The following LDB2 variants were observed in gnomAD, a reference collection of about 807,000 sequenced individuals.
LDB2 encodes the protein LIM domain binding 2, also known as LIM domain-binding protein 2.
LDB2 carries 12 observed loss-of-function variants against 44.3 expected under a neutral mutation model. The ratio of observed to expected loss-of-function variants is 0.27; its 90% CI spans 0.17 to 0.44. The LOEUF (loss-of-function observed/expected upper bound fraction) is 0.44. Among genes scored for constraint, LDB2 ranks in the 20% least tolerant of loss-of-function variants. The pLI is 1.00. For synonymous variants in LDB2, 164 were observed against 174.8 expected (o/e 0.94, Z 0.49); for missense variants, 344 against 473.5 (o/e 0.73, Z 2.54).
chr4:16,873,485 C>G (rs927777601), intron 1 of LDB2, among the ~76,000 whole-genome samples: 1 of 150,756 alleles, frequency 6.6e-6, no homozygotes, highest in Non-Finnish European at 1.5e-5. Flanking sequence ...TCTCTATTCA[C>G]CAGTTGATCT....
chr4:16,647,989 T>A (rs1226345826), intron 2 of LDB2, among the ~76,000 whole-genome samples: 2 of 152,188 alleles, frequency 1.3e-5, no homozygotes, highest in Non-Finnish European at 2.9e-5. Flanking sequence ...CCACAATGCA[T>A]CTCTAATCAT....
chr4:16,859,781 T>C (rs1424890586), intron 1 of LDB2, among the ~76,000 whole-genome samples: 2 of 152,224 alleles, frequency 1.3e-5, no homozygotes, highest in African/African-American at 4.8e-5. Flanking sequence ...GCAATGTTCA[T>C]TGACAATCTG....
intron 1 of LDB2, among the ~76,000 whole-genome samples, chr4:16,840,995 C>T (rs1363704968): frequency 6.6e-6 from 1 of 152,166 alleles, no homozygotes. Context: ...TTGGTTGCAG[C>T]AGTGTTTCCC....
chr4:16,685,214 AGCT>A (rs1748920648), intron 2 of LDB2, among the ~76,000 whole-genome samples: 1 of 152,198 alleles, frequency 6.6e-6, no homozygotes, highest in South Asian at 2.1e-4. Context: ...TAATGAGCAG[AGCT>A]TGAGTCCCAG....
At chr4:16,877,827 G>A (rs1387643822) in intron 1 of LDB2, among the ~76,000 whole-genome samples, 1 of 152,136 alleles carries the variant, frequency 6.6e-6, no homozygotes, top group Non-Finnish European at 1.5e-5. Flanking sequence ...CTAAAGAAGA[G>A]GAAAGGGGAT....
In LDB2 at chr4:16,588,667, G is replaced by GA; in HGVS notation, c.531+42dup. The GA allele has an allele frequency of 1.6e-5, 25 of 1,596,612 alleles. 1 individual carries two copies. The highest frequency in any genetic ancestry group is 3.4e-5 in the South Asian group (3 of 88,606). On this transcript the variant is annotated intron_variant, in intron 4 of 7. Transcript: ENST00000304523. ...TTTCCCCTTGAGTGAAATGAAGGAG[G>GA]AAAAAAAAGAAAAGAAAGCAAAACA...
chr4:16,697,729 C>T (rs2152623450), intron 2 of LDB2, among the ~76,000 whole-genome samples: 1 of 152,290 alleles, frequency 6.6e-6, no homozygotes, highest in South Asian at 2.1e-4. Context: ...CTCCTCAATT[C>T]CCTTCCCTAG....
At chr4:16,618,380 C>T (rs1727938081) in intron 2 of LDB2, among the ~76,000 whole-genome samples, 1 of 152,116 alleles carries the variant, frequency 6.6e-6, no homozygotes. Context: ...GGACAGACAC[C>T]CTATCTGCCT....
At chr4:16,731,509 G>A (rs1040848259) in intron 2 of LDB2, among the ~76,000 whole-genome samples, 2 of 152,006 alleles carry the variant, frequency 1.3e-5, no homozygotes, top group Non-Finnish European at 2.9e-5. Context: ...GCTCTCTTGC[G>A]TTCTCCCTCT....
intron 1 of LDB2, among the ~76,000 whole-genome samples, chr4:16,760,108 C>A (rs1442316746): frequency 4.6e-5 from 7 of 152,114 alleles, no homozygotes; most frequent in Non-Finnish European, 7.4e-5. Flanking sequence ...CAGTCAAATT[C>A]TCAGTATAGG....
intron 2 of LDB2, among the ~76,000 whole-genome samples, chr4:16,602,224 T>C (rs1722762205): frequency 6.6e-6 from 1 of 152,152 alleles, no homozygotes; most frequent in South Asian, 2.1e-4. Context: ...GAGAATAAAC[T>C]TGATAGCTCG....
intron 5 of LDB2, among the ~76,000 whole-genome samples, chr4:16,544,009 G>T (rs759066831): frequency 1.3e-5 from 2 of 151,972 alleles, no homozygotes; most frequent in African/African-American, 2.4e-5. Context: ...TACTGTGCTA[G>T]ACTTTGGAGA....
intron 1 of LDB2, among the ~76,000 whole-genome samples, chr4:16,853,236 C>T (rs1788633979): frequency 6.6e-6 from 1 of 152,122 alleles, no homozygotes; most frequent in Non-Finnish European, 1.5e-5. Flanking sequence ...GCATGTATCT[C>T]ATAAAGGGTT....
intron 2 of LDB2, among the ~76,000 whole-genome samples, chr4:16,646,605 A>T (rs1736855654): frequency 6.6e-6 from 1 of 152,162 alleles, no homozygotes; most frequent in Non-Finnish European, 1.5e-5. Context: ...TGCAGCTTGG[A>T]GTCAAGCCCT....
chr4:16,575,102 C>G (rs1747838486), intron 5 of LDB2, among the ~76,000 whole-genome samples: 1 of 152,152 alleles, frequency 6.6e-6, no homozygotes, highest in South Asian at 2.1e-4. Context: ...GACTTCCTCG[C>G]TCAACATTAG....
intron 2 of LDB2, among the ~76,000 whole-genome samples, chr4:16,731,167 T>C (rs1397602925): frequency 6.6e-6 from 1 of 152,058 alleles, no homozygotes; most frequent in African/African-American, 2.4e-5. Flanking sequence ...CAGGTAGAAC[T>C]CAGGGAGGTA....
intron 2 of LDB2, among the ~76,000 whole-genome samples, chr4:16,664,081 G>A (rs1054727604): frequency 2.6e-5 from 4 of 152,154 alleles, no homozygotes; most frequent in African/African-American, 9.7e-5. Context: ...TAGTCTGAAG[G>A]TCTGTGTCCC....
chr4:16,514,663 A>G (rs1045836357), intron 5 of LDB2, among the ~76,000 whole-genome samples: 2 of 152,242 alleles, frequency 1.3e-5, no homozygotes, highest in African/African-American at 4.8e-5. Flanking sequence ...GAAGACAATA[A>G]GATTAAAGCC....
At chr4:16,602,298 T>A (rs1722783694) in intron 2 of LDB2, among the ~76,000 whole-genome samples, 1 of 152,026 alleles carries the variant, frequency 6.6e-6, no homozygotes, top group South Asian at 2.1e-4. Flanking sequence ...ATGATGGAGG[T>A]GAGTCCCAAT....
Sources: allele counts gnomAD v4.1 joint callset (sites outside exome capture counted in the v4.1 genomes callset), GRCh38; gene constraint gnomAD v4.1.1; transcripts MANE v1.5; gene names NCBI Gene and HGNC (gene_info 2026-07-23, HGNC 2026-07-21).